The following SIMC1 variants were observed in gnomAD, a reference collection of about 807,000 sequenced individuals.
The protein encoded by SIMC1 is SUMO-interacting motif-containing protein 1.
SIMC1 carries 55 observed loss-of-function variants against 82.3 expected under a neutral mutation model. The ratio of observed to expected loss-of-function variants is 0.67; its 90% CI spans 0.54 to 0.84. SIMC1 has a LOEUF of 0.84. SIMC1 is among the 40% of genes least tolerant of loss of function. The pLI is 0.00. For missense variants in SIMC1, 915 were observed against 1,107.2 expected (o/e 0.83, Z 2.46); for synonymous variants, 353 against 426.3 (o/e 0.83, Z 2.12).
intron 1 of SIMC1, among the ~76,000 whole-genome samples, chr5:176,246,409 T>G (rs1350479146): frequency 3.7e-3 from 354 of 95,028 alleles, no homozygotes; most frequent in Middle Eastern, 0.023. Flanking sequence ...AGTTCAGGGG[T>G]GTGTGTGTGT....
chr5:176,254,068 A>G (rs1468595769), intron 1 of SIMC1, among the ~76,000 whole-genome samples: 2 of 152,190 alleles, frequency 1.3e-5, no homozygotes, highest in African/African-American at 2.4e-5. Context: ...TTCCTTATCT[A>G]ACTAATAGAT....
rs1347750328 is a variant in SIMC1, at chr5:176,290,365, G to A, written c.841G>A (p.Asp281Asn). 6.2e-7 allele frequency: 1 copy of A among 1,613,976 alleles called. No individual in the cohort carries two copies. The highest frequency in any genetic ancestry group is 8.5e-7 in the Non-Finnish European group (1 of 1,179,888). ...GCAGAATATCCCAGGCCCACCTCAA[G>A]ACTCTCTGGGCCTACCTCAAGATGT... is the stretch of plus-strand genomic sequence containing the variant. ...PRQNIPGPPQ[D>N]SLGLPQDVPG... The change falls in exon 2 of 10, where the codon GAC (aspartate) becomes AAC (asparagine). Residue 281 changes from aspartate to asparagine, a missense_variant. Coordinates refer to ENST00000429602, the MANE Select transcript of SIMC1 (RefSeq NM_001308195.2).
chr5:176,339,642 T>C (rs1766045571), intron 9 of SIMC1, among the ~76,000 whole-genome samples: 1 of 152,236 alleles, frequency 6.6e-6, no homozygotes, highest in Non-Finnish European at 1.5e-5. Flanking sequence ...CAATAATGAC[T>C]TAAGGTGGAA....
In SIMC1 at chr5:176,299,407, GAAAT is replaced by G. The variant is rs1254677391; in HGVS notation, c.1734+3091_1734+3094del. ...ACCCTGTCTCTAAAAAAAAAAAAAAGAAATAAAGATTTGCTGAAAGTGAAAGGAT... is the reference window on the plus strand; with the variant it reads ...ACCCTGTCTCTAAAAAAAAAAAAAAGAAAGATTTGCTGAAAGTGAAAGGAT... On this transcript the variant is annotated intron_variant, in intron 4 of 9. Transcript: ENST00000429602. Among the ~76,000 whole-genome samples, 4 of 148,556 alleles carry G rather than the reference GAAAT, an allele frequency of 2.7e-5. No homozygotes were observed. In the South Asian group the frequency reaches 6.4e-4, roughly 24 times the overall value.
chr5:176,277,739 G>T (rs1762780682), intron 1 of SIMC1, among the ~76,000 whole-genome samples: 1 of 151,956 alleles, frequency 6.6e-6, no homozygotes. Flanking sequence ...TCTCAGGTTT[G>T]TCAAAGATCA....
intron 1 of SIMC1, among the ~76,000 whole-genome samples, chr5:176,248,151 G>A (rs1022039605): frequency 3.9e-5 from 6 of 152,072 alleles, no homozygotes; most frequent in African/African-American, 7.2e-5. Flanking sequence ...AAGAAAGTCA[G>A]TGGCAGCTTG....
chr5:176,245,714 AGT>A (rs971174760), intron 1 of SIMC1, among the ~76,000 whole-genome samples: 6 of 152,142 alleles, frequency 3.9e-5, no homozygotes, highest in East Asian at 3.9e-4. Context: ...TTGCAACCGG[AGT>A]GTGTGAGCCA....
chr5:176,309,002 TCTC>T (rs1764545042), intron 4 of SIMC1: 1 of 822,162 alleles, frequency 1.2e-6, no homozygotes, highest in East Asian at 2.4e-5. Flanking sequence ...AGAACTTTCT[TCTC>T]TGGAATAAAG....
rs1238235238 is a variant in SIMC1 at position 176,345,416 on chromosome 5, C to A, written c.2647C>A (p.Pro883Thr). The A allele has an allele frequency of 1.9e-6, 3 of 1,613,834 alleles. No homozygotes were observed. The highest frequency in any genetic ancestry group is 2.5e-6 in the Non-Finnish European group (3 of 1,179,834). ...YAADLNPDAE[P>T]FQKGWSGS is the part of the protein sequence containing the mutation. The stretch of plus-strand genomic sequence containing the variant: ...TGCGGACTTGAACCCTGATGCAGAG[C>A]CCTTTCAAAAGGGCTGGAGCGGCTC... Residue 883 changes from proline to threonine, a missense_variant, in exon 10 of 10, where the codon CCC (proline) becomes ACC (threonine). Coordinates refer to ENST00000429602, the MANE Select transcript of SIMC1 (RefSeq NM_001308195.2).
At chr5:176,318,433 C>T (rs1039650453) in intron 5 of SIMC1, among the ~76,000 whole-genome samples, 1 of 152,136 alleles carries the variant, frequency 6.6e-6, no homozygotes, top group Non-Finnish European at 1.5e-5. Context: ...CTGGATTGTC[C>T]TACTAGTTTC....
chr5:176,260,629 A>G (rs1761983851), intron 1 of SIMC1, among the ~76,000 whole-genome samples: 2 of 151,974 alleles, frequency 1.3e-5, no homozygotes, highest in African/African-American at 4.8e-5. Flanking sequence ...AAATGTTTGT[A>G]GGACAAGTTC....
chr5:176,296,000 G>A (rs889176644), intron 3 of SIMC1: 4 of 602,712 alleles, frequency 6.6e-6, no homozygotes, highest in Non-Finnish European at 1.1e-5. Flanking sequence ...TTGGTTAAGA[G>A]TAGTGAAGAG....
chr5:176,307,988 A>G (rs1225177561), intron 4 of SIMC1: 1 of 620,212 alleles, frequency 1.6e-6, no homozygotes, highest in Non-Finnish European at 2.9e-6. Flanking sequence ...AAATAACCCA[A>G]ATGTCCATCA....
chr5:176,290,733 T>A lies in SIMC1; in HGVS notation c.1209T>A (p.Thr403=). The stretch of plus-strand genomic sequence containing the variant: ...GCTCTCCCAGCCCACAGTCTGAAAC[T>A]CCCTTAGAGAAAGTTCCTTGGCTCT... The part of the protein sequence containing the change: ...PSCSPSPQSE[T]PLEKVPWLSV... The change falls in exon 2 of 10, where the codon ACT becomes ACA. Residue 403 remains threonine (T), a synonymous_variant. Coordinates refer to ENST00000429602, the MANE Select transcript of SIMC1 (RefSeq NM_001308195.2). The A allele has an allele frequency of 6.2e-7, 1 of 1,613,580 alleles. No homozygotes were observed. The highest frequency in any genetic ancestry group is 8.5e-7 in the Non-Finnish European group (1 of 1,179,732).
At chr5:176,244,822 A>C (rs1215342759) in intron 1 of SIMC1, among the ~76,000 whole-genome samples, 1 of 150,170 alleles carries the variant, frequency 6.7e-6, no homozygotes, top group African/African-American at 2.5e-5. Context: ...ACCTGGCTCA[A>C]GTGATTCTCC....
intron 7 of SIMC1, among the ~76,000 whole-genome samples, chr5:176,326,002 C>T (rs1025478665): frequency 3.9e-5 from 6 of 152,154 alleles, no homozygotes; most frequent in African/African-American, 1.4e-4. Context: ...AACAATGATT[C>T]CTTCCTTGAC....
intron 1 of SIMC1, among the ~76,000 whole-genome samples, chr5:176,285,217 A>C (rs2113237823): frequency 6.6e-6 from 1 of 152,352 alleles, no homozygotes; most frequent in East Asian, 1.9e-4. Flanking sequence ...TCCCTGATGA[A>C]CATTGATGCA....
intron 4 of SIMC1, among the ~76,000 whole-genome samples, chr5:176,304,988 G>A (rs1339743437): frequency 7.6e-5 from 10 of 130,822 alleles, no homozygotes; most frequent in Admixed American, 2.2e-4. Context: ...CCCTCCGCCC[G>A]GCAGCTGCCC....
Position 176,345,436 on chromosome 5 carries a change from C to A in SIMC1, c.2667C>A (p.Ser889Arg). Reference sequence around the variant, plus strand: ...CAGAGCCCTTTCAAAAGGGCTGGAGCGGCTCCTGAGGGCCTGCCAAGCACT... The same window carrying A: ...CAGAGCCCTTTCAAAAGGGCTGGAGAGGCTCCTGAGGGCCTGCCAAGCACT... ...PDAEPFQKGW[S>R]GS The change falls in exon 10 of 10, where the codon AGC becomes AGA. Residue 889 changes from serine (S) to arginine (R), a missense_variant. Physicochemically the swap from Ser to Arg is moderately radical, Grantham distance 110. This residue lies in a region of SIMC1 where 902 missense variants were observed against 1,040.3 expected (regional missense o/e 0.87). Transcript: ENST00000429602. The A allele has an allele frequency of 6.2e-7, 1 of 1,612,604 alleles. No individual in the cohort carries two copies. Among genetic ancestry groups the A allele is most frequent in the African/African-American group, 1.3e-5 (1 of 74,904 alleles).
Sources: allele counts gnomAD v4.1 joint callset (sites outside exome capture counted in the v4.1 genomes callset), GRCh38; gene constraint gnomAD v4.1.1; regional missense constraint gnomAD v4.1.1; transcripts MANE v1.5; gene names NCBI Gene and HGNC (gene_info 2026-07-23, HGNC 2026-07-21).